ATRNL1: variants seen among roughly 807,000 people sequenced by gnomAD.
The protein encoded by ATRNL1 is attractin-like protein 1.
Under a neutral mutation model 182.7 loss-of-function variants are expected in ATRNL1, and 95 were observed. The ratio of observed to expected loss-of-function variants is 0.52; its 90% CI spans 0.44 to 0.62. The LOEUF is 0.62. ATRNL1 is among the 20% of genes least tolerant of loss of function. The probability of loss-of-function intolerance (pLI) is 0.00; values close to 1 mark genes in which losing one functional copy is unlikely to be tolerated. For missense variants in ATRNL1, 1,471 were observed against 1,679.5 expected, an observed-to-expected ratio of 0.88 and a Z score of 2.17; for synonymous variants, 576 against 568.3, an observed-to-expected ratio of 1.01 and a Z score of -0.19.
At chr10:115,770,093 G>T (rs1351264970) in intron 27 of ATRNL1, among the ~76,000 whole-genome samples, 1 of 150,858 alleles carries the variant, frequency 6.6e-6, no homozygotes, top group African/African-American at 2.4e-5. Flanking sequence ...AAAATTTCAG[G>T]TTTCAGAAAA....
chr10:115,450,057 A>G (rs573077030), intron 21 of ATRNL1, among the ~76,000 whole-genome samples: 26 of 152,328 alleles, frequency 1.7e-4, no homozygotes, highest in Admixed American at 7.8e-4. Context: ...CAGAAACAAC[A>G]TGATTATCTC....
intron 20 of ATRNL1, among the ~76,000 whole-genome samples, chr10:115,412,297 A>G (rs1554960093): frequency 6.6e-6 from 1 of 152,108 alleles, no homozygotes; most frequent in African/African-American, 2.4e-5. Flanking sequence ...AACCTGAGGG[A>G]AAATAGAAGC....
intron 14 of ATRNL1, 44 bp from the exon 15 acceptor site, chr10:115,286,172 C>CT: frequency 1.1e-6 from 1 of 933,322 alleles, no homozygotes. Context: ...AATACATTTG[C>CT]TTTTTGGTAA....
chr10:115,369,276 A>T (rs1857256419), intron 19 of ATRNL1, among the ~76,000 whole-genome samples: 1 of 141,818 alleles, frequency 7.1e-6, no homozygotes, highest in African/African-American at 2.7e-5. Context: ...GGGATGGGGT[A>T]ATTCTTTGAA....
intron 1 of ATRNL1, among the ~76,000 whole-genome samples, chr10:115,114,218 A>G (rs1455078052): frequency 6.6e-6 from 1 of 152,206 alleles, no homozygotes; most frequent in Admixed American, 6.5e-5. Context: ...GAATGAAATT[A>G]AACCCTTATC....
At chr10:115,173,684 ATTAC>A (rs1210572664) in intron 8 of ATRNL1, among the ~76,000 whole-genome samples, 11 of 151,858 alleles carry the variant, frequency 7.2e-5, no homozygotes, top group Non-Finnish European at 1.5e-4. Context: ...TGTAAATTGT[ATTAC>A]TTACTATTAT....
intron 26 of ATRNL1, among the ~76,000 whole-genome samples, chr10:115,588,916 A>G (rs1336741227): frequency 1.4e-4 from 22 of 152,320 alleles, no homozygotes; most frequent in African/African-American, 5.1e-4. Flanking sequence ...AAGTATAAGT[A>G]ATTTCCTTGC....
chr10:115,921,142 A>T (rs1953047004), intron 28 of ATRNL1, among the ~76,000 whole-genome samples: 1 of 152,194 alleles, frequency 6.6e-6, no homozygotes, highest in Non-Finnish European at 1.5e-5. Context: ...GATGGTTTAG[A>T]TAATGCTATT....
At chr10:115,722,914 A>G (rs1456572070) in intron 26 of ATRNL1, among the ~76,000 whole-genome samples, 3 of 152,206 alleles carry the variant, frequency 2.0e-5, no homozygotes, top group Non-Finnish European at 4.4e-5. Context: ...CTAGAACATC[A>G]AAGGACATAT....
At chr10:115,120,361 T>C (rs1197587690) in intron 2 of ATRNL1, 93 bp downstream of exon 2, 3 of 636,730 alleles carry the variant, frequency 4.7e-6, no homozygotes, top group Non-Finnish European at 7.7e-6. Context: ...ATAATTACTT[T>C]ATCATTTAGT....
chr10:115,423,435 G>A (rs1845735196), intron 20 of ATRNL1, among the ~76,000 whole-genome samples: 1 of 152,056 alleles, frequency 6.6e-6, no homozygotes, highest in Non-Finnish European at 1.5e-5. Flanking sequence ...GGCTGAGGTG[G>A]GAGAATCACC....
At chr10:115,383,327 T>C (rs1374242265) in intron 19 of ATRNL1, among the ~76,000 whole-genome samples, 1 of 151,908 alleles carries the variant, frequency 6.6e-6, no homozygotes, top group Non-Finnish European at 1.5e-5. Context: ...TCATTCCTGA[T>C]TAAAACATAT....
chr10:115,404,484 C>T (rs1844725861), intron 20 of ATRNL1, among the ~76,000 whole-genome samples: 1 of 152,190 alleles, frequency 6.6e-6, no homozygotes, highest in Non-Finnish European at 1.5e-5. Context: ...AGGAATAGCC[C>T]AGATCCTGGA....
At chr10:115,398,122 G>C (rs1188798081) in intron 20 of ATRNL1, among the ~76,000 whole-genome samples, 1 of 151,932 alleles carries the variant, frequency 6.6e-6, no homozygotes, top group Non-Finnish European at 1.5e-5. Context: ...GCCACCTACT[G>C]TGGCTGCCAT....
chr10:115,549,276 T>C (rs1398161971), intron 25 of ATRNL1, among the ~76,000 whole-genome samples, 182 bp from the exon 26 acceptor site: 1 of 152,100 alleles, frequency 6.6e-6, no homozygotes, highest in Non-Finnish European at 1.5e-5. Flanking sequence ...ATATTTTTTC[T>C]ACCTGTACAT....
At chr10:115,856,428 C>CAAAAAAAAAAAGAAAAAAAAAAAAAAAA (rs1951184330) in intron 28 of ATRNL1, among the ~76,000 whole-genome samples, 1 of 22,536 alleles carries the variant, frequency 4.4e-5, no homozygotes, top group African/African-American at 1.4e-4. Context: ...AGCTCCATCT[C>CAAAAAAAAAAAGAAAAAAAAAAAAAAAA]AAAAAAAAAA....
At chr10:115,319,703 G>T (rs1210981314) in intron 18 of ATRNL1, among the ~76,000 whole-genome samples, 1 of 148,900 alleles carries the variant, frequency 6.7e-6, no homozygotes, top group East Asian at 2.0e-4. Context: ...GACTAGTATT[G>T]CATCCCCTGC....
At chr10:115,128,837 A>AC in intron 4 of ATRNL1, among the ~76,000 whole-genome samples, 1 of 152,178 alleles carries the variant, frequency 6.6e-6, no homozygotes, top group East Asian at 1.9e-4. Context: ...AAAAAAAAAA[A>AC]AAAAAAAGAG....
chr10:115,321,123 T>G lies in ATRNL1; in HGVS notation c.3037+5387T>G, dbSNP rs570045054. Among the ~76,000 whole-genome samples, 225 of 152,218 alleles carry G rather than the reference T, an allele frequency of 1.5e-3. 2 individuals are homozygous for G. Among genetic ancestry groups the G allele is most frequent in the African/African-American group, 5.3e-3 (221 of 41,530 alleles). On this transcript the variant is annotated intron_variant, in intron 18 of 28. Coordinates refer to ENST00000355044, the MANE Select transcript of ATRNL1 (RefSeq NM_207303.4). ...TTTTGTTGTTGTTGCTTTCTGTTTG[T>G]TTTTCTTTCAATGATCAGGTCCCTC...
Sources: allele counts gnomAD v4.1 joint callset (sites outside exome capture counted in the v4.1 genomes callset), GRCh38; gene constraint gnomAD v4.1.1; transcripts MANE v1.5; gene names NCBI Gene and HGNC (gene_info 2026-07-23, HGNC 2026-07-21).